The following TRAPPC6A variants were observed in gnomAD, a reference collection of about 807,000 sequenced individuals.
The protein encoded by TRAPPC6A is trafficking protein particle complex subunit 6A, also known as TRAPP complex subunit 6A.
In TRAPPC6A, 25 loss-of-function variants were observed where a neutral mutation model predicts 20.8. The ratio of observed to expected loss-of-function variants is 1.20; its 90% CI spans 0.88 to 1.68. The LOEUF is 1.68. Among genes scored for constraint, TRAPPC6A ranks in the 40% most tolerant of loss-of-function variants. TRAPPC6A has a pLI of 0.00. For synonymous variants in TRAPPC6A, 96 were observed against 93.3 expected, an observed-to-expected ratio of 1.03 and a Z score of -0.16; for missense variants, 215 against 211.6, an observed-to-expected ratio of 1.02 and a Z score of -0.10.
Position 45,163,320 on chromosome 19 carries a change from A to C in TRAPPC6A, c.449-97T>G. ...GCGCTCACCCCCGTCCTGCACTGAC[A>C]CCCCAGTGGCTAGGTTGGGCTGTTT... is the stretch of plus-strand genomic sequence containing the variant. On this transcript the variant is annotated intron_variant, in intron 5 of 5. Coordinates refer to ENST00000585934, the MANE Select transcript of TRAPPC6A (RefSeq NM_001270891.2). This position sits in a 1 kb window ranked among gnomAD's most constrained non-coding sequence, Gnocchi z 5.3. 7.4e-7 allele frequency: 1 copy of C among 1,354,560 alleles called. No individual in the cohort carries two copies. The allele number at this position is 1,354,560 out of a possible 1,614,324, so 83.9% of individuals were successfully genotyped here.
intron 1 of TRAPPC6A, among the ~76,000 whole-genome samples, chr19:45,177,007 A>G (rs935628152): frequency 2.0e-5 from 3 of 151,946 alleles, no homozygotes; most frequent in Non-Finnish European, 2.9e-5. Flanking sequence ...TCTACTAAAA[A>G]AAATAATAAT....
chr19:45,166,538 G>C, intron 1 of TRAPPC6A, among the ~76,000 whole-genome samples: 1 of 146,736 alleles, frequency 6.8e-6, no homozygotes, highest in South Asian at 2.1e-4. Flanking sequence ...TTTTTCATTC[G>C]GGTGTTTTGC....
At chr19:45,176,646 A>ATGATGTTTG (rs573169231) in intron 1 of TRAPPC6A, among the ~76,000 whole-genome samples, 1,754 of 152,222 alleles carry the variant, frequency 0.012, 34 homozygotes, top group African/African-American at 0.041. Context: ...TGATGTTTTA[A>ATGATGTTTG]ACTTATGACA....
intron 1 of TRAPPC6A, among the ~76,000 whole-genome samples, chr19:45,177,138 C>T (rs1939293732): frequency 6.6e-6 from 1 of 152,096 alleles, no homozygotes; most frequent in African/African-American, 2.4e-5. Flanking sequence ...TGAGCCATGA[C>T]TGCATCACTG....
At chr19:45,176,354 C>T (rs1969374989) in intron 1 of TRAPPC6A, among the ~76,000 whole-genome samples, 1 of 151,688 alleles carries the variant, frequency 6.6e-6, no homozygotes, top group South Asian at 2.1e-4. Context: ...GTCCCAACTA[C>T]TCAGGAGGCT....
chr19:45,170,496 G>A (rs889344423), intron 1 of TRAPPC6A, among the ~76,000 whole-genome samples: 1 of 152,244 alleles, frequency 6.6e-6, no homozygotes, highest in African/African-American at 2.4e-5. Context: ...GCCCCCGGAG[G>A]GGTGAGCTGG....
chr19:45,175,616 G>T (rs1320750239), intron 1 of TRAPPC6A, among the ~76,000 whole-genome samples: 1 of 152,106 alleles, frequency 6.6e-6, no homozygotes, highest in South Asian at 2.1e-4. Context: ...GCATGGTGAA[G>T]ATGTGACAGG....
chr19:45,162,990 A>AG lies in TRAPPC6A; in HGVS notation c.*201_*202insC. The AG allele has an allele frequency of 2.2e-6, 1 of 453,638 alleles. No homozygotes were observed. Among genetic ancestry groups the AG allele is most frequent in the Non-Finnish European group, 3.9e-6 (1 of 259,494 alleles). 28.1% of individuals were successfully genotyped at this position (453,638 alleles called of 1,614,324 possible). On this transcript the variant is annotated 3_prime_UTR_variant, in exon 6 of 6. Transcript: ENST00000585934. ...TGGGCAGTGACGCTGCCGAGGCGGG[A>AG]ATCCCACCACAGTCCTGACCGCAGC...
rs1969050741 is a variant in TRAPPC6A, at chr19:45,163,261, T to TG, written c.449-39dup. ...GCCTGGCTTAGGCTTGAGGATGGGA[T>TG]GGGGGAGGCAGAGGGCACCTGGACG... On this transcript the variant is annotated intron_variant, in intron 5 of 5. Coordinates refer to ENST00000585934, the MANE Select transcript of TRAPPC6A (RefSeq NM_001270891.2). The surrounding 1 kb of genome is among the most constrained non-coding windows in gnomAD (Gnocchi z 5.3). The TG allele has an allele frequency of 6.2e-7, 1 of 1,612,508 alleles. No individual in the cohort carries two copies. The highest frequency in any genetic ancestry group is 1.3e-5 in the African/African-American group (1 of 74,932).
chr19:45,176,906 C>T (rs961168509), intron 1 of TRAPPC6A, among the ~76,000 whole-genome samples: 2 of 151,884 alleles, frequency 1.3e-5, no homozygotes, highest in Non-Finnish European at 2.9e-5. Flanking sequence ...CAGTGGCTCA[C>T]GCCTGTAATC....
rs1969433235 is a variant in TRAPPC6A at position 45,178,065 on chromosome 19, G to A, written c.84+70C>T. 5 of 1,605,814 alleles carry A rather than the reference G, an allele frequency of 3.1e-6. No individual in the cohort carries two copies. The East Asian group carries it at 1.1e-4, about 36-fold the overall frequency. On this transcript the variant is annotated intron_variant, in intron 1 of 5. Transcript: ENST00000585934. ...CCGGGTTCGAACCCGGACGCCTGAC[G>A]CGCCCTCCGCTCTCCCAGAGGCGTT... is the stretch of plus-strand genomic sequence containing the variant.
At chr19:45,174,130 G>A (rs1184499056) in intron 1 of TRAPPC6A, among the ~76,000 whole-genome samples, 4 of 152,128 alleles carry the variant, frequency 2.6e-5, no homozygotes, top group Non-Finnish European at 4.4e-5. Flanking sequence ...GCCTGGTCGC[G>A]CTCCTGACTC....
intron 3 of TRAPPC6A, chr19:45,164,606 C>G (rs1969102472): frequency 2.9e-5 from 17 of 588,932 alleles, no homozygotes; most frequent in Middle Eastern, 4.5e-4. Flanking sequence ...AGGCAGCCAC[C>G]AGGGGCTTTC....
At chr19:45,164,103 G>T in intron 4 of TRAPPC6A, 61 bp downstream of exon 4, 1 of 1,556,280 alleles carries the variant, frequency 6.4e-7, no homozygotes, top group Non-Finnish European at 8.7e-7. Context: ...GCCTGATGTG[G>T]GATGGGGCTG....
intron 1 of TRAPPC6A, 38 bp from the exon 2 acceptor site, chr19:45,165,232 C>T: frequency 6.4e-7 from 1 of 1,561,492 alleles, no homozygotes. Context: ...GGGCCCTTAG[C>T]CACCACGAAC....
intron 1 of TRAPPC6A, among the ~76,000 whole-genome samples, chr19:45,168,721 A>G (rs73564242): frequency 0.038 from 5,853 of 152,312 alleles, 386 homozygotes; most frequent in African/African-American, 0.13. Context: ...AGCCTCACAG[A>G]AGGCTGTAAT....
At position 45,178,196 on chromosome 19, in the gene TRAPPC6A, TCAAA is replaced by T. The variant is rs1436910135; in HGVS notation, c.19_22del (p.Phe7SerfsTer25). Reference sequence around the variant, plus strand: ...AGCCACCATCTCCGTGTGAAGAAACTCAAACAACACAGTATCCGCCATGCCCCCT... The same window carrying T: ...AGCCACCATCTCCGTGTGAAGAAACTCAACACAGTATCCGCCATGCCCCCT... On this transcript the variant is annotated frameshift_variant, in exon 1 of 6. Transcript: ENST00000585934. LOFTEE classifies it high-confidence loss of function. 1.2e-6 allele frequency: 2 copies of T among 1,610,700 alleles called. No homozygotes were observed. The highest frequency in any genetic ancestry group is 1.7e-6 in the Non-Finnish European group (2 of 1,177,580).
At chr19:45,176,379 G>A (rs972357594) in intron 1 of TRAPPC6A, among the ~76,000 whole-genome samples, 2 of 151,996 alleles carry the variant, frequency 1.3e-5, no homozygotes, top group African/African-American at 4.8e-5. Flanking sequence ...CGGGAGAATT[G>A]CGTGAACCCA....
rs1430293471 is a variant in TRAPPC6A, at chr19:45,177,189, G to GCA, written c.84+945_84+946insTG. Among the ~76,000 whole-genome samples the GCA allele has an allele frequency of 5.2e-3, 510 of 97,482 alleles. 5 individuals carry two copies. Among genetic ancestry groups the GCA allele is most frequent in the African/African-American group, 0.024 (480 of 20,364 alleles). The allele number at this position is 97,482 out of a possible 152,430, so 64.0% of individuals were successfully genotyped here. Reference sequence around the variant, plus strand: ...GGGCGACCGAGCAGGATGCGCGTGCGCGCACACACACACACACACACACAC... The same window carrying GCA: ...GGGCGACCGAGCAGGATGCGCGTGCGCACGCACACACACACACACACACACAC... On this transcript the variant is annotated intron_variant, in intron 1 of 5. Transcript: ENST00000585934.
Sources: allele counts gnomAD v4.1 joint callset (sites outside exome capture counted in the v4.1 genomes callset), GRCh38; gene constraint gnomAD v4.1.1; non-coding constraint Gnocchi (gnomAD v3.1); transcripts MANE v1.5; gene names NCBI Gene and HGNC (gene_info 2026-07-23, HGNC 2026-07-21).